The following DNMT3A variants were observed in gnomAD, a reference collection of about 807,000 sequenced individuals.
DNMT3A encodes the protein DNA methyltransferase 3 alpha.
DNMT3A carries 267 observed loss-of-function variants against 117.6 expected under a neutral mutation model. The ratio of observed to expected loss-of-function variants is 2.27; its 90% CI spans 2.05 to 2.51. The LOEUF (loss-of-function observed/expected upper bound fraction) is 2.51, where lower values mean the gene tolerates loss of function less well. DNMT3A is among the 30% of genes most tolerant of loss of function. The probability of loss-of-function intolerance (pLI) is 0.00; values close to 1 mark genes in which losing one functional copy is unlikely to be tolerated. For missense variants in DNMT3A, 1,029 were observed against 1,260.2 expected, an observed-to-expected ratio of 0.82 and a Z score of 2.78; for synonymous variants, 432 against 474.8, an observed-to-expected ratio of 0.91 and a Z score of 1.17.
At chr2:25,246,392 G>C in intron 10 of DNMT3A, 83 bp from the exon 11 acceptor site, 1 of 1,509,534 alleles carries the variant, frequency 6.6e-7, no homozygotes, top group African/African-American at 1.4e-5. Flanking sequence ...TTACAGTGGG[G>C]TGCGGCCTGG....
rs796375464 is a variant in DNMT3A, at chr2:25,229,796, T to G, written c.*4483A>C. 152 of 152,318 alleles carry G rather than the reference T, an allele frequency of 1.0e-3. 1 individual carries two copies. Among genetic ancestry groups the G allele is most frequent in the African/African-American group, 3.6e-3 (148 of 41,584 alleles). 9.4% of individuals were successfully genotyped at this position (152,318 alleles called of 1,614,324 possible). On this transcript the variant is annotated 3_prime_UTR_variant, in exon 23 of 23. Transcript: ENST00000321117. Reference sequence around the variant, plus strand: ...GCCTCCCAAATGTACTCTATTTATATAAGCAAAACTATGAAATGAATGACT... The same window carrying G: ...GCCTCCCAAATGTACTCTATTTATAGAAGCAAAACTATGAAATGAATGACT...
chr2:25,281,505 G>T lies in DNMT3A; in HGVS notation c.448+936C>A. The T allele has an allele frequency of 9.5e-7, 1 of 1,056,822 alleles. No homozygotes were observed. Among genetic ancestry groups the T allele is most frequent in the Admixed American group, 5.4e-5 (1 of 18,394 alleles). 65.5% of individuals were successfully genotyped at this position (1,056,822 alleles called of 1,614,324 possible). On this transcript the variant is annotated intron_variant, in intron 4 of 22. Transcript: ENST00000321117. The surrounding 1 kb of genome is among the most constrained non-coding windows in gnomAD (Gnocchi z 4.8). Reference sequence around the variant, plus strand: ...GTTCTCTATCCTGCATGAACATTAGGTTGGATCCATGCAAAATAAGTTACG... The same window carrying T: ...GTTCTCTATCCTGCATGAACATTAGTTTGGATCCATGCAAAATAAGTTACG...
Position 25,294,240 on chromosome 2 carries a change from C to A in DNMT3A, c.177+5899G>T, listed in dbSNP as rs2032952039. ...TAGGAGTCCCACTGCACTTAAGTCCCCACCATGGGCTAGGCCCTTCCATGC... is the reference window on the plus strand; with the variant it reads ...TAGGAGTCCCACTGCACTTAAGTCCACACCATGGGCTAGGCCCTTCCATGC... On this transcript the variant is annotated intron_variant, in intron 3 of 22. Transcript: ENST00000321117. This position sits in a 1 kb window ranked among gnomAD's most constrained non-coding sequence, Gnocchi z 4.7. Among the ~76,000 whole-genome samples, 1 of 152,204 alleles carries A rather than the reference C, an allele frequency of 6.6e-6. No individual in the cohort carries two copies. Among genetic ancestry groups the A allele is most frequent in the Non-Finnish European group, 1.5e-5 (1 of 68,040 alleles).
In DNMT3A at chr2:25,237,198, A is replaced by G. The variant is rs952232186; in HGVS notation, c.2409-193T>C. Among the ~76,000 whole-genome samples the G allele has an allele frequency of 6.6e-6, 1 of 152,258 alleles. No individual in the cohort carries two copies. The highest frequency in any genetic ancestry group is 1.5e-5 in the Non-Finnish European group (1 of 68,046). ...ACACGAACACACACTGCAGCCATGC[A>G]AAGACACAAATCCACCAAGCGTTAA... is the stretch of plus-strand genomic sequence containing the variant. On this transcript the variant is annotated intron_variant, in intron 20 of 22. Coordinates refer to ENST00000321117, the MANE Select transcript of DNMT3A (RefSeq NM_022552.5). The surrounding 1 kb of genome is among the most constrained non-coding windows in gnomAD (Gnocchi z 5.4).
chr2:25,319,596 T>C (rs1468667511), intron 1 of DNMT3A, among the ~76,000 whole-genome samples: 1 of 152,150 alleles, frequency 6.6e-6, no homozygotes, highest in African/African-American at 2.4e-5. Flanking sequence ...CGCATGCCAG[T>C]CACCTGGCAT....
intron 1 of DNMT3A, among the ~76,000 whole-genome samples, chr2:25,322,757 C>T (rs1361209549): frequency 2.0e-5 from 3 of 151,728 alleles, no homozygotes; most frequent in Admixed American, 6.6e-5. Context: ...CCCCTGCCAC[C>T]CCACAGTCTC....
chr2:25,325,831 G>A (rs1330900303), intron 1 of DNMT3A, among the ~76,000 whole-genome samples: 1 of 152,190 alleles, frequency 6.6e-6, no homozygotes, highest in Non-Finnish European at 1.5e-5. Context: ...CACCTCTTAA[G>A]AACGTCCATG....
chr2:25,244,617 GTCGTCGTA>G lies in DNMT3A; in HGVS notation c.1582_1589del (p.Tyr528ArgfsTer15). The G allele has an allele frequency of 6.2e-7, 1 of 1,614,176 alleles. No homozygotes were observed. Among genetic ancestry groups the G allele is most frequent in the Non-Finnish European group, 8.5e-7 (1 of 1,180,022 alleles). On this transcript the variant is annotated frameshift_variant, in exon 14 of 23. Transcript: ENST00000321117. LOFTEE classifies it high-confidence loss of function. ...TGGTGCAGTAGGACTGGTAGCCGTC[GTCGTCGTA>G]CTGGTACGCACACTCCAGAAAGCAG...
chr2:25,237,099 C>CTAGT lies in DNMT3A; in HGVS notation c.2409-98_2409-95dup. The CTAGT allele has an allele frequency of 7.7e-7, 1 of 1,298,422 alleles. No individual in the cohort carries two copies. Among genetic ancestry groups the CTAGT allele is most frequent in the East Asian group, 2.4e-5 (1 of 42,158 alleles). The allele number at this position is 1,298,422 out of a possible 1,614,324, so 80.4% of individuals were successfully genotyped here. A position where few individuals can be genotyped will look rare whatever the true frequency, so the allele number is the denominator to read the frequency against. ...ACTCCCCTCCCTCCCCCAGCAGCCA[C>CTAGT]TAGTTCACAGGGTAAGAGCCCCTTC... is the stretch of plus-strand genomic sequence containing the variant. On this transcript the variant is annotated intron_variant, in intron 20 of 22. Coordinates refer to ENST00000321117, the MANE Select transcript of DNMT3A (RefSeq NM_022552.5). The surrounding 1 kb of genome is among the most constrained non-coding windows in gnomAD (Gnocchi z 5.4).
In DNMT3A at chr2:25,231,060, G is replaced by GCTAA. The variant is rs574384836; in HGVS notation, c.*3215_*3218dup. The GCTAA allele has an allele frequency of 2.0e-5, 3 of 152,352 alleles. No individual in the cohort carries two copies. The highest frequency in any genetic ancestry group is 7.2e-5 in the African/African-American group (3 of 41,462). 9.4% of individuals were successfully genotyped at this position (152,352 alleles called of 1,614,324 possible). ...GGTGGAGCTTGGGCCGCTGGGAAAG[G>GCTAA]CTAACTGTCACTAAGCAGTGGCTTG... On this transcript the variant is annotated 3_prime_UTR_variant, in exon 23 of 23. Coordinates refer to ENST00000321117, the MANE Select transcript of DNMT3A (RefSeq NM_022552.5).
rs746497745 is a variant in DNMT3A at position 25,248,118 on chromosome 2, C to G, written c.774G>C (p.Val258=). ...ACCCCACGGGCTCAGGCGTGGTAGCCACAGTGGGGGATGCGGGGTCAGTGG... is the reference window on the plus strand; with the variant it reads ...ACCCCACGGGCTCAGGCGTGGTAGCGACAGTGGGGGATGCGGGGTCAGTGG... The part of the protein sequence containing the change: ...QQPTDPASPT[V]ATTPEPVGSD... The change falls in exon 7 of 23, where the codon GTG becomes GTC. Residue 258 remains valine (V), a synonymous_variant. Coordinates refer to ENST00000321117, the MANE Select transcript of DNMT3A (RefSeq NM_022552.5). 3.8e-5 allele frequency: 62 copies of G among 1,613,484 alleles called. No individual in the cohort carries two copies. Among genetic ancestry groups the G allele is most frequent in the Non-Finnish European group, 5.3e-5 (62 of 1,179,948 alleles).
intron 6 of DNMT3A, among the ~76,000 whole-genome samples, chr2:25,258,922 C>T (rs1384327636): frequency 6.6e-6 from 1 of 152,146 alleles, no homozygotes; most frequent in African/African-American, 2.4e-5. Flanking sequence ...TAGATGAATT[C>T]TTCTAAATCA....
At chr2:25,244,119 G>A (rs1248592014) in intron 15 of DNMT3A, 36 bp downstream of exon 15, 2 of 1,613,376 alleles carry the variant, frequency 1.2e-6, no homozygotes, top group Non-Finnish European at 1.7e-6. Context: ...GCTCAGCCAA[G>A]GGAGCTCGAG....
intron 1 of DNMT3A, among the ~76,000 whole-genome samples, chr2:25,330,637 C>G (rs979766124): frequency 6.6e-6 from 1 of 152,234 alleles, no homozygotes; most frequent in African/African-American, 2.4e-5. Context: ...CCTTCCCAAG[C>G]TCATCTCCCA....
intron 1 of DNMT3A, among the ~76,000 whole-genome samples, chr2:25,333,267 C>T (rs1447979568): frequency 1.3e-5 from 2 of 152,044 alleles, no homozygotes; most frequent in African/African-American, 4.8e-5. Flanking sequence ...TCATTCTCAA[C>T]TTGATTATCT....
At chr2:25,317,484 C>T (rs1446987468) in intron 1 of DNMT3A, among the ~76,000 whole-genome samples, 3 of 152,192 alleles carry the variant, frequency 2.0e-5, no homozygotes, top group South Asian at 2.1e-4. Flanking sequence ...GGCGTGTGAA[C>T]GCTGATATAT....
chr2:25,329,673 C>CA lies in DNMT3A; in HGVS notation c.-178+12152_-178+12153insT, dbSNP rs2034934868. On this transcript the variant is annotated intron_variant, in intron 1 of 22. Transcript: ENST00000321117. ...GGAGTCTCTCACAGTCATGCAGACC[C>CA]CACACACACACACACACACACACAC... 2.5e-3 allele frequency among the ~76,000 whole-genome samples: 345 copies of CA among 138,490 alleles called. 5 individuals are homozygous for CA. Among genetic ancestry groups the CA allele is most frequent in the African/African-American group, 8.5e-3 (278 of 32,554 alleles). 90.9% of individuals were successfully genotyped at this position (138,490 alleles called of 152,430 possible). A position where few individuals can be genotyped will look rare whatever the true frequency, so the allele number is the denominator to read the frequency against.
At chr2:25,246,986 A>T (rs898788283) in intron 9 of DNMT3A, 65 bp downstream of exon 9, 2 of 1,566,388 alleles carry the variant, frequency 1.3e-6, no homozygotes, top group African/African-American at 2.7e-5. Flanking sequence ...CCCGACCTGC[A>T]CTCCAACTTC....
intron 1 of DNMT3A, chr2:25,328,590 G>A (rs990369940): frequency 4.3e-6 from 2 of 460,060 alleles, no homozygotes; most frequent in South Asian, 1.6e-5. Context: ...CGTCCCCCCC[G>A]CCCACAGCTT....
Sources: allele counts gnomAD v4.1 joint callset (sites outside exome capture counted in the v4.1 genomes callset), GRCh38; gene constraint gnomAD v4.1.1; non-coding constraint Gnocchi (gnomAD v3.1); transcripts MANE v1.5; gene names NCBI Gene and HGNC (gene_info 2026-07-23, HGNC 2026-07-21).